NRXN1: variants seen among roughly 807,000 people sequenced by gnomAD.
NRXN1 encodes neurexin 1.
NRXN1 carries 39 observed loss-of-function variants against 150.9 expected under a neutral mutation model. That is an observed-to-expected ratio of 0.26 (90% CI 0.20 to 0.34). The LOEUF (loss-of-function observed/expected upper bound fraction) is 0.34, where lower values mean the gene tolerates loss of function less well. Ranked by LOEUF, NRXN1 falls within the 10% of genes least tolerant of loss-of-function variation. The pLI, the probability that NRXN1 is intolerant of heterozygous loss-of-function variation, is 1.00. For missense variants in NRXN1, 1,815 were observed against 1,949.9 expected (o/e 0.93, Z 1.30); for synonymous variants, 924 against 757.0 (o/e 1.22, Z -3.62).
chr2:50,355,267 A>C (rs976049733), intron 17 of NRXN1, among the ~76,000 whole-genome samples: 2 of 129,634 alleles, frequency 1.5e-5, no homozygotes, highest in Non-Finnish European at 3.1e-5. Context: ...ATATATATAC[A>C]CATATATACA....
At chr2:50,474,327 G>A (rs759648078) in intron 15 of NRXN1, among the ~76,000 whole-genome samples, 1 of 151,722 alleles carries the variant, frequency 6.6e-6, no homozygotes, top group Non-Finnish European at 1.5e-5. Context: ...AGAATACATT[G>A]GAGTTTACAT....
At chr2:50,320,480 C>A (rs1262449342) in intron 17 of NRXN1, among the ~76,000 whole-genome samples, 2 of 151,280 alleles carry the variant, frequency 1.3e-5, no homozygotes, top group Non-Finnish European at 2.9e-5. Context: ...GTTTTCATTT[C>A]TATATGTTAA....
At chr2:50,176,030 G>C (rs2060334182) in intron 18 of NRXN1, among the ~76,000 whole-genome samples, 1 of 152,084 alleles carries the variant, frequency 6.6e-6, no homozygotes, top group Non-Finnish European at 1.5e-5. Flanking sequence ...ACTGTACTAG[G>C]TGCTTAGAAC....
chr2:51,027,641 G>A lies in NRXN1; in HGVS notation c.633C>T (p.Ser211=). The A allele has an allele frequency of 6.3e-7, 1 of 1,598,434 alleles. No individual in the cohort carries two copies. Among genetic ancestry groups the A allele is most frequent in the Non-Finnish European group, 8.5e-7 (1 of 1,172,710 alleles). ...CCGCCTCGCACGGGCTTCCCCCGCCGCTGTTGGGCGGCTCATCGTCCAGCT... is the reference window on the plus strand; with the variant it reads ...CCGCCTCGCACGGGCTTCCCCCGCCACTGTTGGGCGGCTCATCGTCCAGCT... The part of the protein sequence containing the change: ...EVKLDDEPPN[S]GGGSPCEAGE... Residue 211 remains serine, a synonymous_variant, in exon 2 of 23, where the codon AGC becomes AGT. Transcript: ENST00000401669.
chr2:50,231,448 C>G (rs1049631064), intron 18 of NRXN1, among the ~76,000 whole-genome samples: 27 of 152,054 alleles, frequency 1.8e-4, no homozygotes, highest in African/African-American at 6.5e-4. Flanking sequence ...TATAAATACA[C>G]TGTTTCTAGT....
intron 22 of NRXN1, among the ~76,000 whole-genome samples, chr2:49,930,576 C>T: frequency 6.6e-6 from 1 of 152,194 alleles, no homozygotes; most frequent in East Asian, 1.9e-4. Flanking sequence ...CCGTATATCA[C>T]ATCACAAATT....
chr2:50,990,679 G>A (rs1698412295), intron 2 of NRXN1, among the ~76,000 whole-genome samples: 1 of 151,728 alleles, frequency 6.6e-6, no homozygotes, highest in African/African-American at 2.4e-5. Flanking sequence ...ATTCATCCTC[G>A]AGTCCTATTA....
At chr2:50,649,297 A>ACACAC in intron 5 of NRXN1, among the ~76,000 whole-genome samples, 1 of 114,468 alleles carries the variant, frequency 8.7e-6, no homozygotes, top group Non-Finnish European at 1.8e-5. Flanking sequence ...CACACACACA[A>ACACAC]AGAAATCACA....
intron 19 of NRXN1, among the ~76,000 whole-genome samples, chr2:50,060,559 G>A (rs150991377): frequency 0.014 from 2,132 of 152,198 alleles, 51 homozygotes; most frequent in African/African-American, 0.049. Flanking sequence ...AGATTTGGGA[G>A]GGGCCAGGGA....
At chr2:50,259,937 C>T (rs1032976761) in intron 17 of NRXN1, among the ~76,000 whole-genome samples, 1 of 151,774 alleles carries the variant, frequency 6.6e-6, no homozygotes, top group Non-Finnish European at 1.5e-5. Flanking sequence ...TCTAGTGTAA[C>T]GCGGGCTTAG....
chr2:50,398,369 C>T (rs889105635), intron 17 of NRXN1, among the ~76,000 whole-genome samples: 1 of 151,888 alleles, frequency 6.6e-6, no homozygotes, highest in Non-Finnish European at 1.5e-5. Context: ...AGTCGAGTAA[C>T]TAAAAAGGGT....
chr2:50,651,403 A>G (rs1248798933), intron 5 of NRXN1, among the ~76,000 whole-genome samples: 1 of 151,988 alleles, frequency 6.6e-6, no homozygotes, highest in South Asian at 2.1e-4. Flanking sequence ...ACTTAAGCTC[A>G]GGAGCTCAAG....
At chr2:50,952,242 A>C (rs1691507771) in intron 2 of NRXN1, among the ~76,000 whole-genome samples, 1 of 152,012 alleles carries the variant, frequency 6.6e-6, no homozygotes, top group Non-Finnish European at 1.5e-5. Flanking sequence ...CTGGGATTAC[A>C]GGCGTGAGCC....
intron 21 of NRXN1, among the ~76,000 whole-genome samples, chr2:49,947,937 CAATTT>C (rs1235845941): frequency 1.3e-5 from 2 of 151,686 alleles, no homozygotes; most frequent in Non-Finnish European, 2.9e-5. Flanking sequence ...AATGTAATAC[CAATTT>C]AATTTTTGCA....
At chr2:50,266,556 C>T (rs200174123) in intron 17 of NRXN1, among the ~76,000 whole-genome samples, 92 of 52,504 alleles carry the variant, frequency 1.8e-3, no homozygotes, top group African/African-American at 6.1e-3. Flanking sequence ...CACACACACA[C>T]ACACACACAC....
intron 8 of NRXN1, among the ~76,000 whole-genome samples, chr2:50,579,196 G>C (rs1044409786): frequency 1.3e-5 from 2 of 152,104 alleles, no homozygotes; most frequent in Non-Finnish European, 2.9e-5. Context: ...AGTGCTTTTT[G>C]GGCTACAGGA....
chr2:50,054,909 T>C (rs1262607201), intron 20 of NRXN1, 46 bp downstream of exon 20: 1 of 1,267,338 alleles, frequency 7.9e-7, no homozygotes, highest in Admixed American at 2.6e-5. Context: ...TACTTGGTTA[T>C]GTTCAAATTA....
chr2:50,093,994 G>A (rs1436319608), intron 18 of NRXN1, among the ~76,000 whole-genome samples: 1 of 152,140 alleles, frequency 6.6e-6, no homozygotes, highest in African/African-American at 2.4e-5. Flanking sequence ...TTTACTACCT[G>A]TTTTATCTCT....
chr2:51,026,450 C>T, intron 2 of NRXN1: 2 of 1,603,034 alleles, frequency 1.2e-6, no homozygotes, highest in African/African-American at 1.3e-5. Flanking sequence ...GCAAAACACA[C>T]TGAAGACCGA....
Sources: gnomAD v4.1 joint callset for allele counts (sites outside exome capture counted in the v4.1 genomes callset) on GRCh38, gnomAD v4.1.1 for gene constraint, MANE v1.5 for transcripts, NCBI Gene and HGNC (gene_info 2026-07-23, HGNC 2026-07-21) for gene names.